MAPRE2: variants seen among roughly 807,000 people sequenced by gnomAD.
MAPRE2 encodes the protein microtubule-associated protein RP/EB family member 2.
Under a neutral mutation model 43.2 loss-of-function variants are expected in MAPRE2, and 13 were observed. The observed-to-expected ratio is 0.30, with a 90% CI of 0.20 to 0.48. MAPRE2 has a LOEUF of 0.48. Among genes scored for constraint, MAPRE2 ranks in the 20% least tolerant of loss-of-function variants. The pLI is 0.99. For missense variants in MAPRE2, 161 were observed against 400.2 expected (o/e 0.40, Z 5.10); for synonymous variants, 135 against 148.8 (o/e 0.91, Z 0.68).
chr18:35,036,273 G>T (rs1036083406), intron 2 of MAPRE2, among the ~76,000 whole-genome samples: 1 of 151,746 alleles, frequency 6.6e-6, no homozygotes, highest in African/African-American at 2.4e-5. Flanking sequence ...TGAATTTTAC[G>T]ACCCCTTGCC....
At chr18:35,089,286 CAAAA>C (rs1277959723) in intron 2 of MAPRE2, among the ~76,000 whole-genome samples, 1 of 151,856 alleles carries the variant, frequency 6.6e-6, no homozygotes, top group Non-Finnish European at 1.5e-5. Context: ...GCACAAGTGA[CAAAA>C]GAATGAATAG....
intron 2 of MAPRE2, among the ~76,000 whole-genome samples, chr18:35,077,379 C>T (rs1473184979): frequency 6.6e-6 from 1 of 152,122 alleles, no homozygotes; most frequent in Non-Finnish European, 1.5e-5. Flanking sequence ...TGAGTGCAGT[C>T]TTTGAGGTTC....
chr18:35,070,128 G>A lies in MAPRE2; in HGVS notation c.123-67G>A, dbSNP rs141232454. The stretch of plus-strand genomic sequence containing the variant: ...GGAGTCCTGCCAGGATCTTGACCTC[G>A]AATAGGTATCTTTTGTGTTTCTGAG... On this transcript the variant is annotated intron_variant, in intron 1 of 6. Coordinates refer to ENST00000300249, the MANE Select transcript of MAPRE2 (RefSeq NM_014268.4). The A allele has an allele frequency of 4.9e-4, 701 of 1,438,422 alleles. 4 individuals carry two copies. The East Asian group carries it at 9.8e-3, about 20-fold the overall frequency. The allele number at this position is 1,438,422 out of a possible 1,614,324, so 89.1% of individuals were successfully genotyped here.
At chr18:35,039,673 C>A (rs574853194), upstream of MAPRE2, among the ~76,000 whole-genome samples, 4 of 152,260 alleles carry the variant, frequency 2.6e-5, no homozygotes, top group Admixed American at 1.3e-4. Context: ...AAACTTGATA[C>A]CAGAAATAAC....
upstream of MAPRE2, among the ~76,000 whole-genome samples, chr18:35,041,193 G>A (rs1226074271): frequency 6.6e-6 from 1 of 152,236 alleles, no homozygotes; most frequent in Non-Finnish European, 1.5e-5. Context: ...GCTGCAGGGT[G>A]GCCTGGGGTT....
At position 35,133,228 on chromosome 18, in the gene MAPRE2, G is replaced by A. The variant is rs556906115; in HGVS notation, c.909+1038G>A. ...AAATTCTCCTAAACTGTAAGGCACT[G>A]TATCTGTGGTTTGGAAGCTCTTTAT... On this transcript the variant is annotated intron_variant, in intron 6 of 6. Transcript: ENST00000300249. 9.2e-5 allele frequency among the ~76,000 whole-genome samples: 14 copies of A among 152,116 alleles called. No individual in the cohort carries two copies. In the East Asian group the frequency reaches 2.1e-3, roughly 23 times the overall value.
chr18:35,006,832 G>A (rs368007641), intron 2 of MAPRE2, among the ~76,000 whole-genome samples: 12 of 152,188 alleles, frequency 7.9e-5, no homozygotes, highest in African/African-American at 2.7e-4. Flanking sequence ...GCATTGTGGT[G>A]CATACCTGTA....
At chr18:35,060,658 G>T (rs959965072) in intron 1 of MAPRE2, among the ~76,000 whole-genome samples, 4 of 152,158 alleles carry the variant, frequency 2.6e-5, no homozygotes. Context: ...CTATTGACTT[G>T]TTAAGTCTGA....
intron 2 of MAPRE2, 56 bp from the exon 3 acceptor site, chr18:35,097,390 C>T: frequency 6.4e-7 from 1 of 1,554,340 alleles, no homozygotes; most frequent in Non-Finnish European, 8.8e-7. Flanking sequence ...TAGCAGTCCT[C>T]TACCACATCT....
intron 1 of MAPRE2, among the ~76,000 whole-genome samples, chr18:34,985,311 T>TTATTTTATATATATAATATTATATAATA (rs1568961544): frequency 7.6e-5 from 3 of 39,560 alleles, no homozygotes; most frequent in Non-Finnish European, 1.2e-4. Context: ...ATTGTATATA[T>TTATTTTATATATATAATATTATATAATA]TATATTATAT....
intron 2 of MAPRE2, among the ~76,000 whole-genome samples, chr18:35,071,441 A>G (rs1381798560): frequency 1.3e-5 from 2 of 152,186 alleles, no homozygotes; most frequent in Non-Finnish European, 2.9e-5. Flanking sequence ...AGGTCTGAGT[A>G]TTTATGAAAG....
chr18:35,113,619 G>A (rs1313053508), intron 4 of MAPRE2, among the ~76,000 whole-genome samples: 1 of 152,206 alleles, frequency 6.6e-6, no homozygotes, highest in African/African-American at 2.4e-5. Context: ...GTGGAAGGAA[G>A]GCCAGGCACA....
intron 4 of MAPRE2, among the ~76,000 whole-genome samples, chr18:35,105,531 G>C (rs1908866835): frequency 6.6e-6 from 1 of 152,000 alleles, no homozygotes; most frequent in South Asian, 2.1e-4. Flanking sequence ...CAGTTATTGG[G>C]AATACAGCCA....
In MAPRE2 at chr18:35,107,371, G is replaced by C. The variant is rs549235629; in HGVS notation, c.610+5212G>C. 2.0e-5 allele frequency among the ~76,000 whole-genome samples: 3 copies of C among 152,092 alleles called. No individual in the cohort carries two copies. In the South Asian group the frequency reaches 6.2e-4, roughly 32 times the overall value. ...CACTCAACAATTACCCTTAATGTTG[G>C]GTTTTCTAAGGCTGTTTGTATGACT... On this transcript the variant is annotated intron_variant, in intron 4 of 6. Transcript: ENST00000300249.
At chr18:35,132,002 T>A in intron 5 of MAPRE2, 30 bp from the exon 6 acceptor site, 1 of 1,559,456 alleles carries the variant, frequency 6.4e-7, no homozygotes, top group Non-Finnish European at 8.6e-7. Context: ...TTTTGGGTGG[T>A]TTTTTTTCTT....
At chr18:35,108,964 G>A (rs1332465862) in intron 4 of MAPRE2, among the ~76,000 whole-genome samples, 1 of 152,172 alleles carries the variant, frequency 6.6e-6, no homozygotes, top group Non-Finnish European at 1.5e-5. Context: ...CTCTGCAGAA[G>A]CTGTTTAGTT....
chr18:35,115,518 C>T (rs1474929480), intron 4 of MAPRE2, among the ~76,000 whole-genome samples: 2 of 152,094 alleles, frequency 1.3e-5, no homozygotes, highest in Non-Finnish European at 2.9e-5. Flanking sequence ...CCACACTCAG[C>T]CCCCAACCTT....
At chr18:35,060,287 C>G (rs1484460205) in intron 1 of MAPRE2, among the ~76,000 whole-genome samples, 1 of 151,992 alleles carries the variant, frequency 6.6e-6, no homozygotes, top group African/African-American at 2.4e-5. Flanking sequence ...GTGCTGGGAG[C>G]TGAGTTGGCG....
intron 2 of MAPRE2, among the ~76,000 whole-genome samples, chr18:35,032,186 T>A (rs1452974792): frequency 6.6e-6 from 1 of 152,186 alleles, no homozygotes; most frequent in Non-Finnish European, 1.5e-5. Context: ...GGAAATGGCT[T>A]GTCCTGAGCC....
Sources: allele counts gnomAD v4.1 joint callset (sites outside exome capture counted in the v4.1 genomes callset), GRCh38; gene constraint gnomAD v4.1.1; transcripts MANE v1.5; gene names NCBI Gene and HGNC (gene_info 2026-07-23, HGNC 2026-07-21).